The following SEMA6D variants were observed in gnomAD, a reference collection of about 807,000 sequenced individuals.
SEMA6D encodes semaphorin 6D.
In SEMA6D, 35 loss-of-function variants were observed where a neutral mutation model predicts 106.6. That is an observed-to-expected ratio of 0.33 (90% CI 0.25 to 0.44). The LOEUF (loss-of-function observed/expected upper bound fraction) is 0.44, where lower values mean the gene tolerates loss of function less well. SEMA6D is among the 20% of genes least tolerant of loss of function. The pLI, the probability that SEMA6D is intolerant of heterozygous loss-of-function variation, is 1.00. For synonymous variants in SEMA6D, 499 were observed against 487.7 expected, an observed-to-expected ratio of 1.02 and a Z score of -0.31; for missense variants, 1,185 against 1,345.9, an observed-to-expected ratio of 0.88 and a Z score of 1.87.
In SEMA6D at chr15:47,437,974, G is replaced by A. The variant is rs1201540398; in HGVS notation, c.-159+25502G>A. Among the ~76,000 whole-genome samples, 4 of 152,098 alleles carry A rather than the reference G, an allele frequency of 2.6e-5. No individual in the cohort carries two copies. In the East Asian group the frequency reaches 7.7e-4, roughly 29 times the overall value. ...GTGTGTGGTGGAGGGAGTTATAAAG[G>A]TAGTGTCATTCTTGGGACTTCCAAT... On this transcript the variant is annotated intron_variant, in intron 2 of 19. Coordinates refer to the SEMA6D transcript ENST00000558014.
At chr15:47,449,786 G>A (rs2042134041) in intron 2 of SEMA6D, among the ~76,000 whole-genome samples, 1 of 151,962 alleles carries the variant, frequency 6.6e-6, no homozygotes, top group South Asian at 2.1e-4. Context: ...ATGCAATAGA[G>A]CACAATCCTT....
At chr15:47,545,329 A>G (rs966376155) in intron 3 of SEMA6D, among the ~76,000 whole-genome samples, 1 of 152,182 alleles carries the variant, frequency 6.6e-6, no homozygotes, top group African/African-American at 2.4e-5. Flanking sequence ...ATGGGCACTC[A>G]TCAATTTCCA....
intron 3 of SEMA6D, among the ~76,000 whole-genome samples, chr15:47,532,409 C>G (rs2045001998): frequency 6.6e-6 from 1 of 152,172 alleles, no homozygotes; most frequent in Admixed American, 6.5e-5. Context: ...GGGTTTGCAC[C>G]GTTATTCATC....
chr15:47,604,414 GGGGTAGAAGT>G (rs1475804614), intron 4 of SEMA6D, among the ~76,000 whole-genome samples: 1 of 152,118 alleles, frequency 6.6e-6, no homozygotes, highest in Non-Finnish European at 1.5e-5. Context: ...TCATTTCTTA[GGGGTAGAAGT>G]GGGTATCCTT....
At chr15:47,492,850 A>G (rs1161996802) in intron 3 of SEMA6D, among the ~76,000 whole-genome samples, 2 of 152,134 alleles carry the variant, frequency 1.3e-5, no homozygotes, top group Non-Finnish European at 1.5e-5. Context: ...TTTTGCATAT[A>G]TTTTTGATAG....
In SEMA6D at chr15:47,419,030, C is replaced by A. The variant is rs143140211; in HGVS notation, c.-159+6558C>A. 1.4e-3 allele frequency among the ~76,000 whole-genome samples: 210 copies of A among 152,152 alleles called. 1 individual carries two copies. Among genetic ancestry groups the A allele is most frequent in the Admixed American group, 4.8e-3 (73 of 15,276 alleles). On this transcript the variant is annotated intron_variant, in intron 2 of 19. Coordinates refer to the SEMA6D transcript ENST00000558014. ...GCTGGGAAAATATTACAATGATCCT[C>A]TATGGAATTTAAGCTGGAAAGGAGA...
intron 2 of SEMA6D, among the ~76,000 whole-genome samples, chr15:47,424,177 T>G (rs920058096): frequency 6.6e-6 from 1 of 152,074 alleles, no homozygotes; most frequent in African/African-American, 2.4e-5. Flanking sequence ...CTATGCTAAC[T>G]AGGAAAGTGC....
intron 4 of SEMA6D, among the ~76,000 whole-genome samples, chr15:47,635,016 A>G (rs978373909): frequency 1.9e-4 from 29 of 152,166 alleles, no homozygotes; most frequent in African/African-American, 6.8e-4. Context: ...TCAATAACAG[A>G]TAGTACATCC....
Position 47,270,719 on chromosome 15 carries a change from C to T in SEMA6D, c.-239+86301C>T, listed in dbSNP as rs1037858297. On this transcript the variant is annotated intron_variant, in intron 1 of 19. Coordinates refer to the SEMA6D transcript ENST00000558014. ...TAAAAAATATATATTACAGGCCGAA[C>T]GCGGTGGTTCACACCCGTAATCCTA... is the stretch of plus-strand genomic sequence containing the variant. 5.9e-5 allele frequency among the ~76,000 whole-genome samples: 9 copies of T among 152,140 alleles called. No homozygotes were observed. In the East Asian group the frequency reaches 7.7e-4, roughly 13 times the overall value.
chr15:47,762,955 G>C, intron 8 of SEMA6D, 61 bp from the exon 9 acceptor site: 1 of 1,224,052 alleles, frequency 8.2e-7, no homozygotes, highest in Non-Finnish European at 1.2e-6. Context: ...CTTTGCAGTC[G>C]GGGTCTTATG....
At chr15:47,397,468 T>C (rs558811821) in intron 1 of SEMA6D, 56 of 152,308 alleles carry the variant, frequency 3.7e-4, no homozygotes, top group African/African-American at 1.3e-3. Context: ...AGGTGCTAAA[T>C]AAGTGTTCAA....
At chr15:47,206,120 A>G (rs1178793731) in intron 1 of SEMA6D, among the ~76,000 whole-genome samples, 1 of 152,186 alleles carries the variant, frequency 6.6e-6, no homozygotes, top group African/African-American at 2.4e-5. Flanking sequence ...AGTGGGTATG[A>G]TATTATTAAC....
chr15:47,655,797 C>T (rs930402971), intron 4 of SEMA6D, among the ~76,000 whole-genome samples: 1 of 152,210 alleles, frequency 6.6e-6, no homozygotes, highest in Middle Eastern at 3.2e-3. Flanking sequence ...TTCACGGATT[C>T]AGTAGTTGGG....
intron 4 of SEMA6D, among the ~76,000 whole-genome samples, chr15:47,647,702 C>G (rs777220347): frequency 5.4e-5 from 8 of 147,696 alleles, no homozygotes; most frequent in Non-Finnish European, 1.0e-4. Flanking sequence ...AACAGGCATG[C>G]CCAATTCAAT....
chr15:47,443,268 A>G (rs1236915486), intron 2 of SEMA6D, among the ~76,000 whole-genome samples: 2 of 152,096 alleles, frequency 1.3e-5, no homozygotes, highest in Non-Finnish European at 2.9e-5. Context: ...AGCTGTTACA[A>G]CTGTGTTGGC....
chr15:47,561,926 A>G (rs2046093442), intron 3 of SEMA6D, among the ~76,000 whole-genome samples: 1 of 151,980 alleles, frequency 6.6e-6, no homozygotes, highest in African/African-American at 2.4e-5. Flanking sequence ...TATTTCTATC[A>G]TTATCCCAAC....
chr15:47,511,856 G>T (rs2044244642), intron 3 of SEMA6D, among the ~76,000 whole-genome samples: 1 of 152,150 alleles, frequency 6.6e-6, no homozygotes. Flanking sequence ...CATGTGCTGT[G>T]TGAGCCATTG....
intron 2 of SEMA6D, among the ~76,000 whole-genome samples, chr15:47,450,086 A>T (rs1695537498): frequency 6.6e-6 from 1 of 152,142 alleles, no homozygotes; most frequent in Non-Finnish European, 1.5e-5. Context: ...ATAGGATTGG[A>T]AGTGAAGTAA....
chr15:47,542,977 T>C (rs750186069), intron 3 of SEMA6D, among the ~76,000 whole-genome samples: 6 of 152,168 alleles, frequency 3.9e-5, no homozygotes, highest in African/African-American at 9.7e-5. Context: ...GGTGCCCTGC[T>C]GAATGTTCCC....
Sources: gnomAD v4.1 joint callset for allele counts (sites outside exome capture counted in the v4.1 genomes callset) on GRCh38, gnomAD v4.1.1 for gene constraint, MANE v1.5 for transcripts, NCBI Gene and HGNC (gene_info 2026-07-23, HGNC 2026-07-21) for gene names.